The following BRI3BP variants were observed in gnomAD, a reference collection of about 807,000 sequenced individuals.
BRI3BP encodes the protein BRI3 binding protein.
Under a neutral mutation model 15.8 loss-of-function variants are expected in BRI3BP, and 7 were observed. That is an observed-to-expected ratio of 0.44 (90% CI 0.25 to 0.83). BRI3BP has a LOEUF of 0.83. Ranked by LOEUF, BRI3BP falls within the 40% of genes least tolerant of loss-of-function variation. The pLI is 0.20. For missense variants in BRI3BP, 320 were observed against 339.3 expected (o/e 0.94, Z 0.45); for synonymous variants, 192 against 163.5 (o/e 1.17, Z -1.33).
chr12:125,046,892 A>G, the BRI3BP span, among the ~76,000 whole-genome samples: 8 of 152,142 alleles, frequency 5.3e-5, no homozygotes, highest in African/African-American at 1.7e-4. Context: ...TTGGATCAAG[A>G]CTTTCCTGGA....
the BRI3BP span, among the ~76,000 whole-genome samples, chr12:125,047,289 C>T: frequency 6.6e-6 from 1 of 151,846 alleles, no homozygotes; most frequent in African/African-American, 2.4e-5. Context: ...GCTGGGACTA[C>T]AGGAGCCCGC....
rs1182665842 is a variant in BRI3BP at position 125,027,980 on chromosome 12, C to T, written c.*2550C>T. ...GGGATTACAGGCGTGAGCCACCGCG[C>T]TGGGCCTAGATCAAATCTTTATCCA... On this transcript the variant is annotated 3_prime_UTR_variant, in exon 3 of 3. Coordinates refer to ENST00000341446, the MANE Select transcript of BRI3BP (RefSeq NM_080626.6). The T allele has an allele frequency of 6.6e-6, 1 of 152,292 alleles. No individual in the cohort carries two copies. Among genetic ancestry groups the T allele is most frequent in the Non-Finnish European group, 1.5e-5 (1 of 68,096 alleles). 9.4% of individuals were successfully genotyped at this position (152,292 alleles called of 1,614,324 possible).
At chr12:125,043,106 G>A in the BRI3BP span, among the ~76,000 whole-genome samples, 1 of 152,056 alleles carries the variant, frequency 6.6e-6, no homozygotes, top group East Asian at 1.9e-4. Flanking sequence ...GTGTGTTTCA[G>A]CTATGAGGCA....
intron 1 of BRI3BP, among the ~76,000 whole-genome samples, chr12:125,006,779 T>G (rs1476357482): frequency 6.6e-6 from 1 of 152,186 alleles, no homozygotes; most frequent in Non-Finnish European, 1.5e-5. Context: ...AGCAGGAAAG[T>G]CTCTTCCTCC....
At chr12:125,022,106 AC>A (rs1368519242) in intron 2 of BRI3BP, among the ~76,000 whole-genome samples, 3 of 145,276 alleles carry the variant, frequency 2.1e-5, no homozygotes, top group African/African-American at 5.1e-5. Flanking sequence ...AAAAAAGACC[AC>A]AGATTCTTGG....
Position 125,025,392 on chromosome 12 carries a change from CG to C in BRI3BP, c.721del (p.Val241CysfsTer47). ...QVRLLNIRLN[R>X]VLESLDRSKD... ...CAGACTGCTCAACATCCGTCTCAAC[CG>C]GGTGCTCGAGAGCCTGGACCGCTCC... On this transcript the variant is annotated frameshift_variant, in exon 3 of 3. Transcript: ENST00000341446. LOFTEE classifies it high-confidence loss of function. 6.2e-7 allele frequency: 1 copy of C among 1,609,336 alleles called. No homozygotes were observed. The highest frequency in any genetic ancestry group is 8.5e-7 in the Non-Finnish European group (1 of 1,177,662).
intron 1 of BRI3BP, among the ~76,000 whole-genome samples, chr12:124,997,707 G>A (rs1211346498): frequency 6.6e-6 from 1 of 152,156 alleles, no homozygotes; most frequent in African/African-American, 2.4e-5. Context: ...ATTAAGTGAT[G>A]CCCTGGCATG....
intron 2 of BRI3BP, among the ~76,000 whole-genome samples, chr12:125,020,767 C>G (rs906395638): frequency 6.6e-6 from 1 of 152,038 alleles, no homozygotes; most frequent in Non-Finnish European, 1.5e-5. Flanking sequence ...GTAGTCTCAG[C>G]TACTTGGGAG....
intron 1 of BRI3BP, among the ~76,000 whole-genome samples, chr12:125,009,727 G>A (rs994937231): frequency 8.5e-5 from 13 of 152,110 alleles, no homozygotes; most frequent in Non-Finnish European, 1.5e-4. Flanking sequence ...GTGAGCCACC[G>A]TGCCCAGCCT....
chr12:125,016,738 G>A (rs190040824), intron 2 of BRI3BP, among the ~76,000 whole-genome samples: 1 of 151,298 alleles, frequency 6.6e-6, no homozygotes, highest in Non-Finnish European at 1.5e-5. Context: ...ATGTTGGCCA[G>A]GCTGGTCTTG....
At chr12:125,024,902 C>T in intron 2 of BRI3BP, 89 bp from the exon 3 acceptor site, 1 of 1,241,304 alleles carries the variant, frequency 8.1e-7, no homozygotes, top group Non-Finnish European at 1.1e-6. Context: ...TTTTAAGCCC[C>T]ACAGGCCAGC....
downstream of BRI3BP, among the ~76,000 whole-genome samples, chr12:125,031,574 A>ATTTTT (rs367625363): frequency 2.9e-4 from 24 of 84,200 alleles, 2 homozygotes; most frequent in African/African-American, 7.7e-4. Flanking sequence ...TTTTCTTTCT[A>ATTTTT]TTTTTTTTTT....
At position 125,002,123 on chromosome 12, in the gene BRI3BP, C is replaced by T. The variant is rs904082134; in HGVS notation, c.213+8120C>T. On this transcript the variant is annotated intron_variant, in intron 1 of 2. Transcript: ENST00000341446. ...CCTGATCATCAACTGATGCACATTT[C>T]GGTTTATGTCACTTTTTGTCTATTG... Among the ~76,000 whole-genome samples the T allele has an allele frequency of 5.3e-5, 8 of 152,160 alleles. 1 individual carries two copies. In the South Asian group the frequency reaches 8.3e-4, roughly 16 times the overall value.
rs1355205239 is a variant in BRI3BP, at chr12:125,026,452, G to T, written c.*1022G>T. The T allele has an allele frequency of 2.0e-5, 3 of 151,950 alleles. No individual in the cohort carries two copies. Among genetic ancestry groups the T allele is most frequent in the African/African-American group, 7.3e-5 (3 of 41,330 alleles). 9.4% of individuals were successfully genotyped at this position (151,950 alleles called of 1,614,324 possible). A position where few individuals can be genotyped will look rare whatever the true frequency, so the allele number is the denominator to read the frequency against. On this transcript the variant is annotated 3_prime_UTR_variant, in exon 3 of 3. Transcript: ENST00000341446. The stretch of plus-strand genomic sequence containing the variant: ...GCAGCAATAAGCAAGCCTTTGAAAA[G>T]ATCTGAATTCTTTTTCCTGAAATAT...
rs1218891641 is a variant in BRI3BP at position 125,029,513 on chromosome 12, C to T, written c.*4083C>T. 2 of 145,592 alleles carry T rather than the reference C, an allele frequency of 1.4e-5. No homozygotes were observed. The highest frequency in any genetic ancestry group is 3.0e-5 in the Non-Finnish European group (2 of 67,028). The allele number at this position is 145,592 out of a possible 1,614,324, so 9.0% of individuals were successfully genotyped here. On this transcript the variant is annotated 3_prime_UTR_variant, in exon 3 of 3. Transcript: ENST00000341446. ...CACCACTGTACTCCAGTTGAGGCGACAGAGTGAGACCCAGTCTCAAAAAAA... is the reference window on the plus strand; with the variant it reads ...CACCACTGTACTCCAGTTGAGGCGATAGAGTGAGACCCAGTCTCAAAAAAA...
At chr12:125,048,146 C>G in the BRI3BP span, among the ~76,000 whole-genome samples, 3 of 151,894 alleles carry the variant, frequency 2.0e-5, no homozygotes, top group Non-Finnish European at 4.4e-5. Flanking sequence ...GACTAAATTC[C>G]TACAAGGAAA....
At chr12:125,009,706 G>C (rs1955180849) in intron 1 of BRI3BP, among the ~76,000 whole-genome samples, 2 of 152,088 alleles carry the variant, frequency 1.3e-5, no homozygotes. Flanking sequence ...CAAAGTGCTG[G>C]GATTATAGGT....
intron 2 of BRI3BP, among the ~76,000 whole-genome samples, chr12:125,022,814 G>T (rs1222273699): frequency 6.6e-6 from 1 of 152,108 alleles, no homozygotes; most frequent in Non-Finnish European, 1.5e-5. Flanking sequence ...ACCGTGCCCA[G>T]CCTGGAATTG....
At chr12:125,015,973 A>G (rs1046465192) in intron 2 of BRI3BP, among the ~76,000 whole-genome samples, 1 of 152,124 alleles carries the variant, frequency 6.6e-6, no homozygotes, top group African/African-American at 2.4e-5. Context: ...GTCGCCACCC[A>G]TTGAACCCTG....
Sources: gnomAD v4.1 joint callset for allele counts (sites outside exome capture counted in the v4.1 genomes callset) on GRCh38, gnomAD v4.1.1 for gene constraint, MANE v1.5 for transcripts, NCBI Gene and HGNC (gene_info 2026-07-23, HGNC 2026-07-21) for gene names.